PAIP2B: variants seen among roughly 807,000 people sequenced by gnomAD.
PAIP2B encodes poly(A) binding protein interacting protein 2B.
In PAIP2B, 13 loss-of-function variants were observed where a neutral mutation model predicts 17.0. That is an observed-to-expected ratio of 0.76 (90% confidence interval 0.50 to 1.22). PAIP2B has a LOEUF of 1.22. Among genes scored for constraint, PAIP2B ranks in the 50% most tolerant of loss-of-function variants. The pLI, the probability that PAIP2B is intolerant of heterozygous loss-of-function variation, is 0.00. For synonymous variants in PAIP2B, 43 were observed against 48.7 expected (o/e 0.88, Z 0.48); for missense variants, 117 against 144.5 (o/e 0.81, Z 0.98).
At chr2:71,197,582 A>T (rs564217413) in intron 2 of PAIP2B, among the ~76,000 whole-genome samples, 1 of 152,314 alleles carries the variant, frequency 6.6e-6, no homozygotes, top group Non-Finnish European at 1.5e-5. Context: ...GGAAGTTTTC[A>T]TGGATGGTAT....
chr2:71,226,734 C>A (rs1441827170), intron 1 of PAIP2B, among the ~76,000 whole-genome samples, 194 bp downstream of exon 1: 2 of 152,164 alleles, frequency 1.3e-5, no homozygotes, highest in East Asian at 1.9e-4. Flanking sequence ...CTGACCCCAG[C>A]GGACGCCCCT....
chr2:71,209,634 C>G (rs550123053), intron 1 of PAIP2B, among the ~76,000 whole-genome samples: 1 of 152,250 alleles, frequency 6.6e-6, no homozygotes, highest in East Asian at 1.9e-4. Context: ...CTTATACCCC[C>G]CAAGTGTAAG....
At chr2:71,219,521 G>A (rs1056841417) in intron 1 of PAIP2B, among the ~76,000 whole-genome samples, 9 of 151,954 alleles carry the variant, frequency 5.9e-5, no homozygotes, top group Non-Finnish European at 1.2e-4. Flanking sequence ...TAAAATATAT[G>A]AAATTGAGGA....
intron 1 of PAIP2B, among the ~76,000 whole-genome samples, chr2:71,210,529 C>T (rs139578937): frequency 2.6e-5 from 4 of 152,204 alleles, no homozygotes; most frequent in African/African-American, 2.4e-5. Flanking sequence ...GCAAATATAA[C>T]GTCAGTGAGC....
rs563734871 is a variant in PAIP2B at position 71,225,190 on chromosome 2, C to G, written c.-12+1738G>C. Among the ~76,000 whole-genome samples, 68 of 152,108 alleles carry G rather than the reference C, an allele frequency of 4.5e-4. 3 individuals carry two copies. Among genetic ancestry groups the G allele is most frequent in the Non-Finnish European group, 2.1e-4 (14 of 68,020 alleles). ...CAGGCACACACCACTGTGCTAGGCT[C>G]TAGTGTGATTTATTAACAAGGCTTA... On this transcript the variant is annotated intron_variant, in intron 1 of 3. Coordinates refer to ENST00000244221, the MANE Select transcript of PAIP2B (RefSeq NM_020459.1).
At chr2:71,212,084 G>A (rs539608745) in intron 1 of PAIP2B, among the ~76,000 whole-genome samples, 2 of 152,276 alleles carry the variant, frequency 1.3e-5, no homozygotes, top group South Asian at 2.1e-4. Flanking sequence ...AACAGACAAC[G>A]TTAATCAAAA....
chr2:71,196,109 G>T (rs1296809173), intron 2 of PAIP2B, among the ~76,000 whole-genome samples: 1 of 152,138 alleles, frequency 6.6e-6, no homozygotes, highest in African/African-American at 2.4e-5. Flanking sequence ...GTGATGTTAG[G>T]TTGTTAATTT....
chr2:71,193,933 T>C (rs926608778), intron 2 of PAIP2B, among the ~76,000 whole-genome samples: 7 of 152,236 alleles, frequency 4.6e-5, no homozygotes, highest in African/African-American at 1.4e-4. Context: ...TTCAAACTTC[T>C]GCATATGGCT....
intron 2 of PAIP2B, among the ~76,000 whole-genome samples, chr2:71,200,446 AAC>A (rs2103779287): frequency 6.6e-6 from 1 of 152,314 alleles, no homozygotes; most frequent in East Asian, 1.9e-4. Context: ...GAAATCATAT[AAC>A]AGTTTCAAAA....
intron 1 of PAIP2B, among the ~76,000 whole-genome samples, chr2:71,225,186 G>C (rs1675687779): frequency 1.3e-5 from 2 of 152,158 alleles, no homozygotes; most frequent in African/African-American, 2.4e-5. Context: ...CACTGTGCTA[G>C]GCTCTAGTGT....
chr2:71,211,334 A>C (rs534591267), intron 1 of PAIP2B, among the ~76,000 whole-genome samples: 1 of 152,214 alleles, frequency 6.6e-6, no homozygotes, highest in East Asian at 1.9e-4. Flanking sequence ...TCTTAGGAGT[A>C]TATAGAATCA....
chr2:71,196,044 C>T (rs945391813), intron 2 of PAIP2B, among the ~76,000 whole-genome samples: 10 of 151,934 alleles, frequency 6.6e-5, no homozygotes, highest in Admixed American at 3.9e-4. Context: ...TGTTATTTCT[C>T]GTCTTCTGCT....
chr2:71,214,009 T>TA (rs199972758), intron 1 of PAIP2B, among the ~76,000 whole-genome samples: 7 of 152,244 alleles, frequency 4.6e-5, no homozygotes, highest in South Asian at 2.1e-4. Context: ...ATTTATTTAT[T>TA]AAAAAAAATT....
chr2:71,208,269 C>A (rs1675190573), intron 1 of PAIP2B, among the ~76,000 whole-genome samples: 1 of 152,016 alleles, frequency 6.6e-6, no homozygotes, highest in Admixed American at 6.6e-5. Context: ...ACTAAAAATA[C>A]AAAAATTAGC....
In PAIP2B at chr2:71,211,150, G is replaced by A. The variant is rs188725153; in HGVS notation, c.-11-8550C>T. Among the ~76,000 whole-genome samples the A allele has an allele frequency of 3.3e-4, 50 of 152,138 alleles. No homozygotes were observed. In the South Asian group the frequency reaches 4.4e-3, roughly 13 times the overall value. On this transcript the variant is annotated intron_variant, in intron 1 of 3. Transcript: ENST00000244221. Reference sequence around the variant, plus strand: ...TAATCCCAGCTATTCGGGGAGGTAGGGGGTGAAGCGAGGCAGGATAATCGC... The same window carrying A: ...TAATCCCAGCTATTCGGGGAGGTAGAGGGTGAAGCGAGGCAGGATAATCGC...
At chr2:71,192,600 C>T (rs1438385569) in intron 2 of PAIP2B, among the ~76,000 whole-genome samples, 4 of 152,042 alleles carry the variant, frequency 2.6e-5, no homozygotes, top group Admixed American at 2.6e-4. Flanking sequence ...TCCCACCCAC[C>T]CCCGTCAAGT....
intron 2 of PAIP2B, among the ~76,000 whole-genome samples, chr2:71,197,933 T>A (rs1195710298): frequency 6.6e-6 from 1 of 152,196 alleles, no homozygotes; most frequent in Non-Finnish European, 1.5e-5. Context: ...AGCTACAAGA[T>A]GAGATTTGGG....
At chr2:71,191,865 GT>G (rs1370405251) in intron 2 of PAIP2B, among the ~76,000 whole-genome samples, 1 of 152,172 alleles carries the variant, frequency 6.6e-6, no homozygotes, top group Non-Finnish European at 1.5e-5. Flanking sequence ...ACCTTGGACT[GT>G]TAACCTCACA....
chr2:71,194,607 G>A (rs967399678), intron 2 of PAIP2B, among the ~76,000 whole-genome samples: 9 of 152,152 alleles, frequency 5.9e-5, no homozygotes, highest in African/African-American at 2.2e-4. Flanking sequence ...CTTTGCTGAA[G>A]TTATTTATCA....
Sources: allele counts gnomAD v4.1 joint callset (sites outside exome capture counted in the v4.1 genomes callset), GRCh38; gene constraint gnomAD v4.1.1; transcripts MANE v1.5; gene names NCBI Gene and HGNC (gene_info 2026-07-23, HGNC 2026-07-21).